The following PCCA variants were observed in gnomAD, a reference collection of about 807,000 sequenced individuals.
PCCA encodes propionyl-CoA carboxylase subunit alpha, also known as propionyl-CoA carboxylase alpha chain, mitochondrial.
PCCA carries 74 observed loss-of-function variants against 101.3 expected under a neutral mutation model. The observed-to-expected ratio is 0.73, with a 90% CI of 0.61 to 0.89. PCCA has a LOEUF of 0.89. Among genes scored for constraint, PCCA ranks in the 40% least tolerant of loss-of-function variants. The probability of loss-of-function intolerance (pLI) is 0.00; values close to 1 mark genes in which losing one functional copy is unlikely to be tolerated. For missense variants in PCCA, 891 were observed against 907.0 expected (o/e 0.98, Z 0.23); for synonymous variants, 294 against 313.6 (o/e 0.94, Z 0.66).
At chr13:100,510,049 T>A (rs2086363642) in intron 21 of PCCA, among the ~76,000 whole-genome samples, 1 of 152,228 alleles carries the variant, frequency 6.6e-6, no homozygotes, top group Non-Finnish European at 1.5e-5. Flanking sequence ...TTAAGATGAA[T>A]TCCACATACC....
At chr13:100,265,839 G>GA (rs55950406) in intron 10 of PCCA, among the ~76,000 whole-genome samples, 139,367 of 150,886 alleles carry the variant, frequency 0.92, 65,332 homozygotes, top group Non-Finnish European at 1. Flanking sequence ...TTATGTACAA[G>GA]AAAAAAAAAT....
At chr13:100,476,024 C>T (rs7998326) in intron 21 of PCCA, among the ~76,000 whole-genome samples, 15,859 of 152,138 alleles carry the variant, frequency 0.1, 1,383 homozygotes, top group African/African-American at 0.24. Context: ...TTTTCTAGGA[C>T]GTTATTGTCT....
At chr13:100,240,347 A>G (rs953727067) in intron 8 of PCCA, among the ~76,000 whole-genome samples, 10 of 151,080 alleles carry the variant, frequency 6.6e-5, no homozygotes, top group African/African-American at 2.4e-4. Flanking sequence ...TGAACACAGC[A>G]AATTTCAGGG....
At chr13:100,229,026 CTT>C (rs551381788) in intron 7 of PCCA, among the ~76,000 whole-genome samples, 1 of 150,846 alleles carries the variant, frequency 6.6e-6, no homozygotes, top group South Asian at 2.1e-4. Context: ...TGTATTATAA[CTT>C]AAACTTGTGG....
intron 8 of PCCA, among the ~76,000 whole-genome samples, chr13:100,243,913 A>G (rs984371962): frequency 2.6e-5 from 4 of 152,194 alleles, no homozygotes; most frequent in African/African-American, 9.7e-5. Context: ...GCTTATATAC[A>G]ACCAATAATT....
chr13:100,094,545 C>T (rs2046594209), intron 1 of PCCA, among the ~76,000 whole-genome samples: 1 of 152,106 alleles, frequency 6.6e-6, no homozygotes, highest in South Asian at 2.1e-4. Context: ...TTTGTGATTT[C>T]ATTCACAAAA....
chr13:100,151,335 T>G (rs185765653), intron 4 of PCCA, among the ~76,000 whole-genome samples: 209 of 152,308 alleles, frequency 1.4e-3, no homozygotes, highest in African/African-American at 4.4e-3. Context: ...CTCACACCTG[T>G]AATCCCAGCA....
At chr13:100,119,933 G>A (rs920099089) in intron 4 of PCCA, among the ~76,000 whole-genome samples, 3 of 151,964 alleles carry the variant, frequency 2.0e-5, no homozygotes, top group African/African-American at 4.8e-5. Context: ...ATGCAATGGC[G>A]CAATCTCAGC....
rs570606064 is a variant in PCCA, at chr13:100,521,457, C to T, written c.2040+5890C>T. On this transcript the variant is annotated intron_variant, in intron 22 of 23. Transcript: ENST00000376285. ...GGCGTCTCCTGCCCGCCTGGTCTGT[C>T]TTTGTAATTTGATGATGGTTCCATC... Among the ~76,000 whole-genome samples, 9 of 152,348 alleles carry T rather than the reference C, an allele frequency of 5.9e-5. No individual in the cohort carries two copies. The East Asian group carries it at 1.5e-3, about 26-fold the overall frequency.
chr13:100,395,605 C>T (rs1408986042), intron 19 of PCCA, among the ~76,000 whole-genome samples: 1 of 151,994 alleles, frequency 6.6e-6, no homozygotes, highest in African/African-American at 2.4e-5. Flanking sequence ...ATGGGTGTGG[C>T]TCAGGAATAT....
At chr13:100,409,270 A>G (rs534652816) in intron 19 of PCCA, among the ~76,000 whole-genome samples, 48 of 152,330 alleles carry the variant, frequency 3.2e-4, no homozygotes, top group African/African-American at 1.1e-3. Flanking sequence ...AAAGGTTTTG[A>G]GTCCCCATTT....
chr13:100,343,507 A>G (rs2071711910), intron 18 of PCCA, among the ~76,000 whole-genome samples: 1 of 152,260 alleles, frequency 6.6e-6, no homozygotes, highest in African/African-American at 2.4e-5. Flanking sequence ...AAGAGACAGA[A>G]ACCAGATAAA....
intron 18 of PCCA, among the ~76,000 whole-genome samples, chr13:100,362,132 G>C (rs2074678092): frequency 6.6e-6 from 1 of 152,068 alleles, no homozygotes; most frequent in Admixed American, 6.6e-5. Flanking sequence ...GGTCAAAAAA[G>C]CCACAGTTTT....
chr13:100,250,196 CT>C (rs1158021991), intron 8 of PCCA, among the ~76,000 whole-genome samples: 1 of 152,130 alleles, frequency 6.6e-6, no homozygotes, highest in African/African-American at 2.4e-5. Flanking sequence ...GTAATGTTAA[CT>C]GTAGGCTTTT....
chr13:100,352,695 T>A (rs569683055), intron 18 of PCCA, among the ~76,000 whole-genome samples: 1 of 151,824 alleles, frequency 6.6e-6, no homozygotes, highest in East Asian at 1.9e-4. Flanking sequence ...CACCCAGCCT[T>A]TTTTTGTATT....
intron 6 of PCCA, among the ~76,000 whole-genome samples, chr13:100,191,065 G>T (rs2057709802): frequency 6.6e-6 from 1 of 152,100 alleles, no homozygotes; most frequent in Admixed American, 6.6e-5. Flanking sequence ...ACTCTAGCCT[G>T]GGCAACAGAG....
At chr13:100,481,581 A>G (rs1419240181) in intron 21 of PCCA, among the ~76,000 whole-genome samples, 2 of 151,996 alleles carry the variant, frequency 1.3e-5, no homozygotes, top group Non-Finnish European at 2.9e-5. Flanking sequence ...GAACCTAAGC[A>G]CTGAGACCCC....
At chr13:100,494,692 A>AT (rs1555320102) in intron 21 of PCCA, among the ~76,000 whole-genome samples, 1 of 151,190 alleles carries the variant, frequency 6.6e-6, no homozygotes, top group African/African-American at 2.4e-5. Context: ...AAAAAAAAAA[A>AT]TTTTGTAATT....
chr13:100,301,564 C>T lies in PCCA; in HGVS notation c.1170C>T (p.Arg390=). ...TCAGGCACAAACAAGCTGATATTCG[C>T]ATCAACGGCTGGGCAGTTGAATGTC... ...YPLRHKQADI[R]INGWAVECRV... Residue 390 remains arginine (R), a synonymous_variant, in exon 13 of 24, where the codon CGC becomes CGT. Transcript: ENST00000376285. 3.1e-6 allele frequency: 5 copies of T among 1,614,058 alleles called. No homozygotes were observed. Among genetic ancestry groups the T allele is most frequent in the Non-Finnish European group, 4.2e-6 (5 of 1,179,968 alleles).
Sources: gnomAD v4.1 joint callset for allele counts (sites outside exome capture counted in the v4.1 genomes callset) on GRCh38, gnomAD v4.1.1 for gene constraint, MANE v1.5 for transcripts, NCBI Gene and HGNC (gene_info 2026-07-23, HGNC 2026-07-21) for gene names.